Variants in ASPRV1 observed in about 807,000 individuals in gnomAD.
The protein encoded by ASPRV1 is retroviral-like aspartic protease 1.
A neutral mutation model predicts 11.0 loss-of-function variants in ASPRV1; 7 were observed. The observed-to-expected ratio is 0.64, with a 90% confidence interval of 0.36 to 1.20. The LOEUF (loss-of-function observed/expected upper bound fraction) is 1.20, where lower values mean the gene tolerates loss of function less well. Among genes scored for constraint, ASPRV1 ranks in the 50% most tolerant of loss-of-function variants. ASPRV1 has a pLI of 0.02. For synonymous variants in ASPRV1, 136 were observed against 138.4 expected, an observed-to-expected ratio of 0.98 and a Z score of 0.12; for missense variants, 299 against 320.0, an observed-to-expected ratio of 0.93 and a Z score of 0.50.
the ASPRV1 span, chr2:70,003,207 A>T: frequency 6.6e-6 from 1 of 152,182 alleles, no homozygotes; most frequent in Non-Finnish European, 1.5e-5. Flanking sequence ...GAAGTCCTGA[A>T]GTCTTTGCCA....
chr2:70,056,998 A>G, the ASPRV1 span, among the ~76,000 whole-genome samples: 15 of 152,038 alleles, frequency 9.9e-5, no homozygotes, highest in Admixed American at 9.2e-4. Flanking sequence ...CAGCCTCCCA[A>G]AGTGCTAGGA....
the ASPRV1 span, among the ~76,000 whole-genome samples, chr2:70,065,644 G>C: frequency 7.3e-5 from 11 of 151,222 alleles, no homozygotes; most frequent in African/African-American, 2.4e-4. Flanking sequence ...CCAGCTGTGA[G>C]ACCTCGTTTC....
the ASPRV1 span, among the ~76,000 whole-genome samples, chr2:70,026,610 A>T: frequency 6.6e-6 from 1 of 152,028 alleles, no homozygotes; most frequent in African/African-American, 2.4e-5. Context: ...AATAGCAAAA[A>T]AAAATAAAAT....
the ASPRV1 span, among the ~76,000 whole-genome samples, chr2:70,078,793 A>G: frequency 3.3e-5 from 5 of 152,246 alleles, no homozygotes; most frequent in Admixed American, 6.5e-5. Context: ...CCCAGGTGAC[A>G]GTTTTCAGCA....
chr2:70,058,964 G>A, the ASPRV1 span, among the ~76,000 whole-genome samples: 1 of 134,094 alleles, frequency 7.5e-6, no homozygotes, highest in African/African-American at 2.9e-5. Context: ...CCGGCTCACT[G>A]CAAGCTCCGC....
At chr2:70,021,652 A>G in the ASPRV1 span, among the ~76,000 whole-genome samples, 8 of 150,428 alleles carry the variant, frequency 5.3e-5, no homozygotes, top group South Asian at 1.7e-3. Context: ...GCTGTCCAAT[A>G]TAGTACCTAT....
chr2:70,005,752 C>T, the ASPRV1 span, among the ~76,000 whole-genome samples: 1 of 152,240 alleles, frequency 6.6e-6, no homozygotes, highest in African/African-American at 2.4e-5. Flanking sequence ...ATCTATCCCA[C>T]TACCCACCCC....
chr2:70,062,926 G>C, the ASPRV1 span, among the ~76,000 whole-genome samples: 3 of 152,118 alleles, frequency 2.0e-5, no homozygotes. Flanking sequence ...AGCAGTCTCA[G>C]GGAAATCACT....
chr2:70,000,366 T>G, the ASPRV1 span, among the ~76,000 whole-genome samples: 1 of 144,366 alleles, frequency 6.9e-6, no homozygotes, highest in African/African-American at 2.6e-5. Context: ...ACACGTAATA[T>G]ATGACAGACA....
chr2:69,985,908 G>A, the ASPRV1 span, among the ~76,000 whole-genome samples: 1 of 152,182 alleles, frequency 6.6e-6, no homozygotes, highest in Non-Finnish European at 1.5e-5. Flanking sequence ...AACCGTTTCT[G>A]CTCACCCGTC....
the ASPRV1 span, among the ~76,000 whole-genome samples, chr2:70,021,548 G>C: frequency 8.6e-5 from 13 of 152,022 alleles, no homozygotes; most frequent in Non-Finnish European, 1.5e-4. Flanking sequence ...TCCATCTCCT[G>C]ACCTCATGAT....
the ASPRV1 span, among the ~76,000 whole-genome samples, chr2:69,954,282 T>C: frequency 3.9e-5 from 6 of 152,196 alleles, no homozygotes; most frequent in Non-Finnish European, 8.8e-5. Flanking sequence ...TGTGTCTGAA[T>C]ACAGTCCCAG....
chr2:69,946,857 G>T, the ASPRV1 span, among the ~76,000 whole-genome samples: 1 of 152,144 alleles, frequency 6.6e-6, no homozygotes, highest in Non-Finnish European at 1.5e-5. Context: ...CTGTTCGGAA[G>T]GTCAAAACGA....
chr2:70,012,446 G>A, the ASPRV1 span, among the ~76,000 whole-genome samples: 4 of 152,098 alleles, frequency 2.6e-5, no homozygotes, highest in African/African-American at 7.2e-5. Context: ...GAGCCACCGC[G>A]CCCGGCCAAG....
At chr2:70,071,952 TTTC>T in the ASPRV1 span, among the ~76,000 whole-genome samples, 64 of 143,526 alleles carry the variant, frequency 4.5e-4, no homozygotes, top group Middle Eastern at 7.1e-3. Flanking sequence ...AAAATTTTTC[TTTC>T]TTTTTTTTTT....
At chr2:70,086,717 G>A in the ASPRV1 span, among the ~76,000 whole-genome samples, 7 of 152,262 alleles carry the variant, frequency 4.6e-5, no homozygotes, top group Admixed American at 1.3e-4. Context: ...AAGGGCAGGA[G>A]GTGGGGTTTC....
Position 69,960,672 on chromosome 2 carries a change from C to G in ASPRV1, c.765G>C (p.Gln255His), listed in dbSNP as rs1678058455. ...EEDPSSEEGR[Q>H]ELSH Reference sequence around the variant, plus strand: ...AGGTGGCTTCTCAGTGGGATAGCTCCTGCCGCCCTTCTTCTGAGGAGGGGT... The same window carrying G: ...AGGTGGCTTCTCAGTGGGATAGCTCGTGCCGCCCTTCTTCTGAGGAGGGGT... The change falls in exon 1 of 1, where the codon CAG (glutamine) becomes CAC (histidine). Residue 255 changes from glutamine (Q) to histidine (H), a missense_variant. Transcript: ENST00000320256. 6.2e-7 allele frequency: 1 copy of G among 1,612,554 alleles called. No individual in the cohort carries two copies. Among genetic ancestry groups the G allele is most frequent in the Non-Finnish European group, 8.5e-7 (1 of 1,179,364 alleles).
At chr2:69,937,765 C>A in the ASPRV1 span, among the ~76,000 whole-genome samples, 1 of 152,326 alleles carries the variant, frequency 6.6e-6, no homozygotes, top group South Asian at 2.1e-4. Flanking sequence ...CAGGCACACA[C>A]CACAATGCCT....
rs1057205212 is a variant in ASPRV1, at chr2:69,961,293, G to A, written c.144C>T (p.Ile48=). The A allele has an allele frequency of 1.2e-6, 2 of 1,614,188 alleles. No individual in the cohort carries two copies. The highest frequency in any genetic ancestry group is 1.7e-6 in the Non-Finnish European group (2 of 1,180,030). The stretch of plus-strand genomic sequence containing the variant: ...ACTCTTTCAGGAACCTTAGCTTGGT[G>A]ATATGGTCCCAATGGTTGAGGTCAT... ...VINDLNHWDH[I]TKLRFLKESL... is the part of the protein sequence containing the mutation. The change falls in exon 1 of 1, where the codon ATC becomes ATT. Residue 48 remains isoleucine, a synonymous_variant. Transcript: ENST00000320256.
Sources: allele counts gnomAD v4.1 joint callset (sites outside exome capture counted in the v4.1 genomes callset), GRCh38; gene constraint gnomAD v4.1.1; transcripts MANE v1.5; gene names NCBI Gene and HGNC (gene_info 2026-07-23, HGNC 2026-07-21).